The following RBL2 variants were observed in gnomAD, a reference collection of about 807,000 sequenced individuals.
RBL2 encodes retinoblastoma-like protein 2.
In RBL2, 56 loss-of-function variants were observed where a neutral mutation model predicts 126.0. That is an observed-to-expected ratio of 0.44 (90% CI 0.36 to 0.56). The LOEUF (loss-of-function observed/expected upper bound fraction) is 0.56. Among genes scored for constraint, RBL2 ranks in the 20% least tolerant of loss-of-function variants. The pLI, the probability that RBL2 is intolerant of heterozygous loss-of-function variation, is 0.00. For missense variants in RBL2, 1,229 were observed against 1,398.2 expected, an observed-to-expected ratio of 0.88 and a Z score of 1.93; for synonymous variants, 454 against 478.5, an observed-to-expected ratio of 0.95 and a Z score of 0.67.
rs2058279814 is a variant in RBL2, at chr16:53,467,117, G to A, written c.1923G>A (p.Leu641=). Residue 641 remains leucine (L), a synonymous_variant, in exon 14 of 22, where the codon TTG becomes TTA. Transcript: ENST00000262133. ...AAATTTGCATTGCTGGCTCCCCTTTGACTCCCAGAAGGGTGACTGAAGTTC... is the reference window on the plus strand; with the variant it reads ...AAATTTGCATTGCTGGCTCCCCTTTAACTCCCAGAAGGGTGACTGAAGTTC... ...ADEICIAGSP[L]TPRRVTEVRA... The A allele has an allele frequency of 6.2e-7, 1 of 1,613,944 alleles. No homozygotes were observed. Among genetic ancestry groups the A allele is most frequent in the South Asian group, 1.1e-5 (1 of 91,074 alleles).
chr16:53,452,619 C>T (rs1415714071), intron 5 of RBL2, among the ~76,000 whole-genome samples: 1 of 151,820 alleles, frequency 6.6e-6, no homozygotes, highest in Non-Finnish European at 1.5e-5. Context: ...TTGTATATTC[C>T]CAAAAAGCTG....
At chr16:53,436,472 A>T (rs536213587) in intron 1 of RBL2, among the ~76,000 whole-genome samples, 2 of 152,336 alleles carry the variant, frequency 1.3e-5, no homozygotes, top group African/African-American at 4.8e-5. Context: ...TAAAATATTC[A>T]TCAAATATTT....
chr16:53,470,561 A>G lies in RBL2; in HGVS notation c.2424A>G (p.Gln808=). ...AAGTCCCTGGTCAAGTGGCCATTCA[A>G]CAGATTTCCCCAGGTGGCCAACAGC... ...TLQVPGQVAI[Q]QISPGGQQQK... The change falls in exon 16 of 22, where the codon CAA becomes CAG. Residue 808 remains glutamine, a synonymous_variant. Coordinates refer to ENST00000262133, the MANE Select transcript of RBL2 (RefSeq NM_005611.4). The G allele has an allele frequency of 3.1e-6, 5 of 1,614,156 alleles. No individual in the cohort carries two copies. Among genetic ancestry groups the G allele is most frequent in the Non-Finnish European group, 1.7e-6 (2 of 1,180,036 alleles).
At chr16:53,435,561 A>G in intron 1 of RBL2, 2 of 1,210,138 alleles carry the variant, frequency 1.7e-6, no homozygotes, top group Non-Finnish European at 2.1e-6. Context: ...AGTGAGTGTC[A>G]GCTTTGTATG....
chr16:53,445,827 C>T (rs966486971), intron 3 of RBL2: 1 of 152,158 alleles, frequency 6.6e-6, no homozygotes, highest in Non-Finnish European at 1.5e-5. Context: ...ATGAAGATTC[C>T]AGTGCATGCA....
chr16:53,444,150 G>C (rs1598090366), intron 3 of RBL2, among the ~76,000 whole-genome samples: 1 of 151,942 alleles, frequency 6.6e-6, no homozygotes, highest in African/African-American at 2.4e-5. Context: ...TCGGGAGGCT[G>C]AGTCAGTAGA....
chr16:53,470,279 G>A, intron 15 of RBL2, 94 bp downstream of exon 15: 1 of 1,558,994 alleles, frequency 6.4e-7, no homozygotes, highest in Non-Finnish European at 8.7e-7. Flanking sequence ...GGGGACAGAG[G>A]AGTGATGGGG....
chr16:53,459,209 A>G (rs2058195974), intron 8 of RBL2, among the ~76,000 whole-genome samples: 1 of 152,226 alleles, frequency 6.6e-6, no homozygotes, highest in Non-Finnish European at 1.5e-5. Flanking sequence ...ACTTTTAGTT[A>G]GCTAAAATAC....
intron 5 of RBL2, among the ~76,000 whole-genome samples, chr16:53,452,768 A>G (rs768734495): frequency 3.3e-5 from 5 of 151,856 alleles, no homozygotes; most frequent in Non-Finnish European, 7.4e-5. Context: ...CTGGGCTCAG[A>G]TGATCCTCTC....
chr16:53,464,481 T>A, intron 12 of RBL2, 118 bp downstream of exon 12: 3 of 886,708 alleles, frequency 3.4e-6, no homozygotes, highest in East Asian at 2.7e-5. Flanking sequence ...TTTACATAGT[T>A]AATCTCTATT....
At position 53,457,258 on chromosome 16, in the gene RBL2, C is replaced by CCTTTTTTTTTTTT. The variant is rs1555566426; in HGVS notation, c.1180-2193_1180-2192insCTTTTTTTTTTTT. Among the ~76,000 whole-genome samples, 388 of 89,854 alleles carry CCTTTTTTTTTTTT rather than the reference C, an allele frequency of 4.3e-3. 36 individuals are homozygous for CCTTTTTTTTTTTT. Among genetic ancestry groups the CCTTTTTTTTTTTT allele is most frequent in the African/African-American group, 9.9e-3 (165 of 16,706 alleles). 58.9% of individuals were successfully genotyped at this position (89,854 alleles called of 152,430 possible). A position where few individuals can be genotyped will look rare whatever the true frequency, so the allele number is the denominator to read the frequency against. ...GGGTCATCAGGGTGGGTACAGATAG[C>CCTTTTTTTTTTTT]TTTTTTTTTTTTTTTTTTTGAGATG... On this transcript the variant is annotated intron_variant, in intron 8 of 21. Coordinates refer to ENST00000262133, the MANE Select transcript of RBL2 (RefSeq NM_005611.4).
chr16:53,486,087 C>G (rs1332852502), intron 21 of RBL2, among the ~76,000 whole-genome samples: 1 of 133,712 alleles, frequency 7.5e-6, no homozygotes, highest in South Asian at 2.5e-4. Context: ...CCCAGTAGTT[C>G]AAGACCAGCC....
chr16:53,434,720 G>A lies in RBL2; in HGVS notation c.164G>A (p.Arg55His), dbSNP rs755567048. Residue 55 changes from arginine to histidine, a missense_variant, in exon 1 of 22, where the codon CGC (arginine) becomes CAC (histidine). Transcript: ENST00000262133. The stretch of plus-strand genomic sequence containing the variant: ...CAGCGGTTCGACGAGCTGTGCAGCC[G>A]CCTCAACATGGACGAGGCGGCGCGG... ...IQQRFDELCS[R>H]LNMDEAARAE... 3 of 1,557,260 alleles carry A rather than the reference G, an allele frequency of 1.9e-6. No individual in the cohort carries two copies. In the African/African-American group the frequency reaches 4.1e-5, roughly 21 times the overall value.
chr16:53,481,922 T>C (rs1310642552), intron 21 of RBL2, 87 bp downstream of exon 21: 27 of 1,429,946 alleles, frequency 1.9e-5, no homozygotes, highest in Non-Finnish European at 2.6e-5. Context: ...TAGGCACTCA[T>C]TAGAGTGATG....
intron 2 of RBL2, 73 bp downstream of exon 2, chr16:53,439,219 A>T (rs1053653725): frequency 7.7e-7 from 1 of 1,292,562 alleles, no homozygotes; most frequent in African/African-American, 1.5e-5. Flanking sequence ...AGTAAGAATT[A>T]TCTCTGTTTA....
intron 17 of RBL2, among the ~76,000 whole-genome samples, chr16:53,473,296 AT>A (rs1176984385): frequency 6.6e-6 from 1 of 151,864 alleles, no homozygotes; most frequent in Non-Finnish European, 1.5e-5. Flanking sequence ...CATCTTAACA[AT>A]TTTATATCTT....
At chr16:53,481,878 C>T (rs1960965822) in intron 21 of RBL2, 43 bp downstream of exon 21, 1 of 1,526,846 alleles carries the variant, frequency 6.5e-7, no homozygotes, top group East Asian at 2.3e-5. Flanking sequence ...CCTCAAAATG[C>T]TTCAGATGCT....
chr16:53,476,671 T>C (rs1343994939), intron 17 of RBL2, among the ~76,000 whole-genome samples: 1 of 152,212 alleles, frequency 6.6e-6, no homozygotes, highest in Non-Finnish European at 1.5e-5. Context: ...TGCTCAGTTA[T>C]TAGGTATGTG....
intron 11 of RBL2, 25 bp downstream of exon 11, chr16:53,462,680 A>T (rs2058234163): frequency 7.1e-7 from 1 of 1,398,886 alleles, no homozygotes; most frequent in African/African-American, 1.5e-5. Flanking sequence ...CAATGTATTG[A>T]TCAGCGCAAT....
Sources: allele counts gnomAD v4.1 joint callset (sites outside exome capture counted in the v4.1 genomes callset), GRCh38; gene constraint gnomAD v4.1.1; transcripts MANE v1.5; gene names NCBI Gene and HGNC (gene_info 2026-07-23, HGNC 2026-07-21).